LCORL: variants seen among roughly 807,000 people sequenced by gnomAD.
LCORL encodes ligand dependent nuclear receptor corepressor like, also known as ligand-dependent nuclear receptor corepressor-like protein.
In LCORL, 41 loss-of-function variants were observed where a neutral mutation model predicts 141.8. That is an observed-to-expected ratio of 0.29 (90% CI 0.23 to 0.38). The LOEUF (loss-of-function observed/expected upper bound fraction) is 0.38, where lower values mean the gene tolerates loss of function less well. LCORL is among the 10% of genes least tolerant of loss of function. The pLI, the probability that LCORL is intolerant of heterozygous loss-of-function variation, is 1.00. For synonymous variants in LCORL, 618 were observed against 694.1 expected, an observed-to-expected ratio of 0.89 and a Z score of 1.72; for missense variants, 1,759 against 2,035.0, an observed-to-expected ratio of 0.86 and a Z score of 2.61.
chr4:17,931,196 C>A (rs1560361742), intron 4 of LCORL, among the ~76,000 whole-genome samples: 2 of 152,006 alleles, frequency 1.3e-5, no homozygotes, highest in Admixed American at 6.6e-5. Context: ...TCTATTACCC[C>A]CTCTCCTCCT....
At chr4:17,959,393 C>G (rs1381507077) in intron 4 of LCORL, among the ~76,000 whole-genome samples, 1 of 151,958 alleles carries the variant, frequency 6.6e-6, no homozygotes, top group Non-Finnish European at 1.5e-5. Context: ...CTGGACGGCT[C>G]AAATGTTCAG....
chr4:17,949,147 T>TTA (rs1739340998), intron 4 of LCORL, among the ~76,000 whole-genome samples: 1 of 152,034 alleles, frequency 6.6e-6, no homozygotes, highest in South Asian at 2.1e-4. Flanking sequence ...CTCTAGAATC[T>TTA]TATGCTTTTT....
chr4:18,005,749 T>A (rs1400222452), intron 1 of LCORL, among the ~76,000 whole-genome samples: 2 of 152,156 alleles, frequency 1.3e-5, no homozygotes, highest in African/African-American at 4.8e-5. Flanking sequence ...CTTTCAGTAA[T>A]GGCTGGAGTG....
At chr4:17,916,729 C>T (rs1032570590) in intron 4 of LCORL, among the ~76,000 whole-genome samples, 2 of 149,952 alleles carry the variant, frequency 1.3e-5, no homozygotes, top group Admixed American at 6.6e-5. Flanking sequence ...ACTGCAACCT[C>T]CACCTCCCGG....
intron 1 of LCORL, among the ~76,000 whole-genome samples, chr4:18,019,628 T>C (rs1481602767): frequency 2.6e-5 from 4 of 152,074 alleles, no homozygotes; most frequent in African/African-American, 9.7e-5. Context: ...ATTTTTCAAG[T>C]CTATCTATTT....
intron 5 of LCORL, among the ~76,000 whole-genome samples, chr4:17,897,354 A>T (rs1468952023): frequency 6.7e-6 from 1 of 149,172 alleles, no homozygotes; most frequent in Non-Finnish European, 1.5e-5. Context: ...GTATTAATTT[A>T]CATTAGTCTT....
At chr4:17,986,124 G>C (rs1180930213) in intron 1 of LCORL, among the ~76,000 whole-genome samples, 1 of 152,174 alleles carries the variant, frequency 6.6e-6, no homozygotes, top group East Asian at 1.9e-4. Context: ...TCTGCTGAGA[G>C]GTCTGCTATT....
intron 7 of LCORL, among the ~76,000 whole-genome samples, chr4:17,853,049 ATTTTT>A (rs67695626): frequency 6.1e-4 from 76 of 125,166 alleles, no homozygotes; most frequent in African/African-American, 2.1e-3. Context: ...TAAAAGCTTG[ATTTTT>A]TTTTTTTTTT....
intron 6 of LCORL, chr4:17,883,697 CA>C: frequency 1.3e-6 from 2 of 1,501,200 alleles, no homozygotes; most frequent in Non-Finnish European, 1.8e-6. Flanking sequence ...CACACACTCA[CA>C]AACATTTTCC....
intron 4 of LCORL, among the ~76,000 whole-genome samples, chr4:17,954,031 C>T (rs1445361181): frequency 2.0e-5 from 3 of 152,134 alleles, no homozygotes; most frequent in Middle Eastern, 3.4e-3. Context: ...GGTGTGGTGG[C>T]GGGCGCCTGT....
chr4:17,956,732 G>A (rs779374282), intron 4 of LCORL, among the ~76,000 whole-genome samples: 2 of 152,034 alleles, frequency 1.3e-5, no homozygotes, highest in Non-Finnish European at 2.9e-5. Context: ...TGATGGTACA[G>A]TAGGGTGACT....
intron 2 of LCORL, among the ~76,000 whole-genome samples, chr4:17,971,153 G>T (rs1387643050): frequency 4.0e-5 from 6 of 151,814 alleles, no homozygotes; most frequent in Non-Finnish European, 8.8e-5. Context: ...TTTGATTTTG[G>T]AAAAAGCCAC....
At chr4:17,849,152 CCTGT>C (rs1387140862) in intron 7 of LCORL, among the ~76,000 whole-genome samples, 1 of 152,232 alleles carries the variant, frequency 6.6e-6, no homozygotes, top group Non-Finnish European at 1.5e-5. Flanking sequence ...CTTAAATGTC[CCTGT>C]CTGACAGCTT....
At position 17,909,081 on chromosome 4, in the gene LCORL, C is replaced by A. The variant is rs1045809134; in HGVS notation, c.682+13G>T. ...CATCAAATTATATATTAAATGCACA[C>A]AAAAAATCTTACCTTGCTGAGTATT... On this transcript the variant is annotated intron_variant, in intron 5 of 7. Coordinates refer to ENST00000635767, the Ensembl canonical transcript of LCORL. 6.4e-7 allele frequency: 1 copy of A among 1,574,104 alleles called. No individual in the cohort carries two copies.
At chr4:17,862,418 G>A (rs546878962) in intron 7 of LCORL, among the ~76,000 whole-genome samples, 1 of 152,066 alleles carries the variant, frequency 6.6e-6, no homozygotes, top group Non-Finnish European at 1.5e-5. Flanking sequence ...CTCCCACCAG[G>A]TCCCTCCCAC....
At chr4:17,993,756 TA>T (rs1037955228) in intron 1 of LCORL, among the ~76,000 whole-genome samples, 23 of 151,948 alleles carry the variant, frequency 1.5e-4, no homozygotes, top group African/African-American at 5.3e-4. Context: ...AAGTGGCGAA[TA>T]GAATGAAAAA....
intron 1 of LCORL, among the ~76,000 whole-genome samples, chr4:18,018,212 T>C (rs1724913965): frequency 6.6e-6 from 1 of 152,144 alleles, no homozygotes; most frequent in Admixed American, 6.5e-5. Flanking sequence ...ACTTATCAAA[T>C]GCTAATTATA....
chr4:17,959,408 C>T (rs765840809), intron 4 of LCORL, among the ~76,000 whole-genome samples: 1 of 152,000 alleles, frequency 6.6e-6, no homozygotes, highest in Non-Finnish European at 1.5e-5. Flanking sequence ...GTTCAGCACA[C>T]AGAGCTAAAA....
chr4:17,880,846 T>C, intron 6 of LCORL: 12 of 855,220 alleles, frequency 1.4e-5, no homozygotes, highest in Non-Finnish European at 1.7e-5. Context: ...AATATTGTAA[T>C]AAATAATTCA....
Sources: allele counts gnomAD v4.1 joint callset (sites outside exome capture counted in the v4.1 genomes callset), GRCh38; gene constraint gnomAD v4.1.1; transcripts MANE v1.5; gene names NCBI Gene and HGNC (gene_info 2026-07-23, HGNC 2026-07-21).